KRT24: variants seen among roughly 807,000 people sequenced by gnomAD.
The protein encoded by KRT24 is keratin, type I cytoskeletal 24.
Under a neutral mutation model 51.7 loss-of-function variants are expected in KRT24, and 44 were observed. The ratio of observed to expected loss-of-function variants is 0.85; its 90% confidence interval spans 0.67 to 1.09. The LOEUF is 1.09. KRT24 is among the 50% of genes least tolerant of loss of function. The pLI, the probability that KRT24 is intolerant of heterozygous loss-of-function variation, is 0.00. For synonymous variants in KRT24, 241 were observed against 249.5 expected (o/e 0.97, Z 0.32); for missense variants, 633 against 647.0 (o/e 0.98, Z 0.24).
intron 2 of KRT24, 142 bp downstream of exon 2, chr17:40,701,709 G>A (rs1179524991): frequency 1.9e-5 from 3 of 160,730 alleles, no homozygotes; most frequent in African/African-American, 9.4e-5. Flanking sequence ...GTAAATTTAG[G>A]TCATGATCCT....
rs768600826 is a variant in KRT24, at chr17:40,701,203, G to A, written c.792C>T (p.Asp264=). The change falls in exon 3 of 8, where the codon GAC becomes GAT. Residue 264 remains aspartate (D), a synonymous_variant. Transcript: ENST00000264651. ...VLDDLTMTRS[D]LEMQIESFTE... ...TGAAACTCTCAATCTGCATCTCCAG[G>A]TCAGAGCGGGTCATAGTCAGGTCAT... 6.2e-7 allele frequency: 1 copy of A among 1,613,988 alleles called. No homozygotes were observed.
chr17:40,701,256 C>G lies in KRT24; in HGVS notation c.739G>C (p.Asp247His). Residue 247 changes from aspartate (D) to histidine (H), a missense_variant, in exon 3 of 8, where the codon GAC becomes CAC. Asp to His is a moderately conservative substitution (Grantham distance 81). Transcript: ENST00000264651. ...AGGACTTTCCGCAGGCCATTGATGTCAGCCTCCACGCTCTGCCGGAGACAC... is the reference window on the plus strand; with the variant it reads ...AGGACTTTCCGCAGGCCATTGATGTGAGCCTCCACGCTCTGCCGGAGACAC... ...ELCLRQSVEA[D>H]INGLRKVLDD... 1.2e-6 allele frequency: 2 copies of G among 1,613,982 alleles called. No homozygotes were observed. The highest frequency in any genetic ancestry group is 1.7e-6 in the Non-Finnish European group (2 of 1,179,970).
chr17:40,703,677 C>G lies in KRT24; in HGVS notation c.17G>C (p.Arg6Pro). ...GCCTCCAGCCCTGGAGGAGGAGGCG[C>G]GAGACGAGCAAGACATGGTGCTCCT... MSCSS[R>P]ASSSRAGGSS... is the part of the protein sequence containing the mutation. Residue 6 changes from arginine to proline, a missense_variant, in exon 1 of 8, where the codon CGC becomes CCC. By Grantham distance (103) the Arg-to-Pro change is moderately radical (BLOSUM62 -2). Coordinates refer to ENST00000264651, the MANE Select transcript of KRT24 (RefSeq NM_019016.3). 1 of 1,572,356 alleles carries G rather than the reference C, an allele frequency of 6.4e-7. No homozygotes were observed. Among genetic ancestry groups the G allele is most frequent in the East Asian group, 2.2e-5 (1 of 44,580 alleles).
intron 1 of KRT24, 48 bp from the exon 2 acceptor site, chr17:40,701,981 G>T: frequency 1.1e-6 from 1 of 937,090 alleles, no homozygotes; most frequent in South Asian, 1.6e-5. Context: ...TTTTTACCTT[G>T]TGTCTGCATG....
chr17:40,698,714 CG>C (rs2037637945), intron 6 of KRT24, 64 bp from the exon 7 acceptor site: 1 of 806,470 alleles, frequency 1.2e-6, no homozygotes, highest in African/African-American at 1.7e-5. Context: ...GCCTCCGCCC[CG>C]GGGATTCTTC....
intron 3 of KRT24, among the ~76,000 whole-genome samples, chr17:40,700,751 C>T (rs1189604307): frequency 2.6e-5 from 4 of 151,894 alleles, no homozygotes; most frequent in Admixed American, 2.0e-4. Context: ...AACAGGTGTG[C>T]GCCATCATGC....
intron 6 of KRT24, 46 bp from the exon 7 acceptor site, chr17:40,698,696 A>G (rs374325529): frequency 5.8e-5 from 56 of 970,600 alleles, no homozygotes; most frequent in Non-Finnish European, 8.6e-5. Flanking sequence ...TTGCAAAGGC[A>G]GGAGAAAGCC....
rs376188281 is a variant in KRT24, at chr17:40,699,458, G to A, written c.1347C>T (p.Leu449=). The A allele has an allele frequency of 7.4e-6, 12 of 1,613,620 alleles. No homozygotes were observed. The highest frequency in any genetic ancestry group is 4.5e-5 in the East Asian group (2 of 44,882). Residue 449 remains leucine (L), a synonymous_variant, in exon 6 of 8, where the codon CTC becomes CTT. Coordinates refer to ENST00000264651, the MANE Select transcript of KRT24 (RefSeq NM_019016.3). ...EVEIETYRRL[L]DGEGGGSSFA... ...CTTTGGTTTACCCTCCCTCTCCATC[G>A]AGCAGGCGGCGGTAGGTCTCGATCT...
Position 40,700,312 on chromosome 17 carries a change from G to A in KRT24, c.927C>T (p.Asp309=), listed in dbSNP as rs948135062. 7.4e-6 allele frequency: 12 copies of A among 1,613,900 alleles called. No individual in the cohort carries two copies. The highest frequency in any genetic ancestry group is 5.0e-5 in the Admixed American group (3 of 59,998). Residue 309 remains aspartate, a synonymous_variant, in exon 4 of 8, where the codon GAC becomes GAT. Transcript: ENST00000264651. ...TCATGTCATTCAGTAATTTGGTCAG[G>A]TCGGTCCCTGGCGCAGCATTCATTT... ...TVEMNAAPGT[D]LTKLLNDMRA...
intron 2 of KRT24, 108 bp from the exon 3 acceptor site, chr17:40,701,404 T>C: frequency 1.2e-6 from 1 of 837,662 alleles, no homozygotes; most frequent in South Asian, 2.6e-5. Context: ...TGTGGGCATT[T>C]TAATAAATAA....
At position 40,699,847 on chromosome 17, in the gene KRT24, ATTATCT is replaced by A. The variant is rs575127086; in HGVS notation, c.1143+145_1143+150del. 611 of 1,154,978 alleles carry A rather than the reference ATTATCT, an allele frequency of 5.3e-4. 12 individuals carry two copies. In the South Asian group the frequency reaches 8.8e-3, roughly 17 times the overall value. The allele number at this position is 1,154,978 out of a possible 1,614,324, so 71.5% of individuals were successfully genotyped here. A position where few individuals can be genotyped will look rare whatever the true frequency, so the allele number is the denominator to read the frequency against. On this transcript the variant is annotated intron_variant, in intron 5 of 7. Coordinates refer to ENST00000264651, the MANE Select transcript of KRT24 (RefSeq NM_019016.3). ...AAATCTTTTATGCAAAATAGAGTAC[ATTATCT>A]TTAACTTTTAATGCTTTCTATAATC...
In KRT24 at chr17:40,703,667, G is replaced by A. The variant is rs146312140; in HGVS notation, c.27C>T (p.Ser9=). 72 of 1,585,184 alleles carry A rather than the reference G, an allele frequency of 4.5e-5. No homozygotes were observed. The African/African-American group carries it at 9.3e-4, about 21-fold the overall frequency. Residue 9 remains serine, a synonymous_variant, in exon 1 of 8, where the codon TCC becomes TCT. Transcript: ENST00000264651. The part of the protein sequence containing the change: MSCSSRAS[S]SRAGGSSSAR... The stretch of plus-strand genomic sequence containing the variant: ...CTGAGCTGCTGCCTCCAGCCCTGGA[G>A]GAGGAGGCGCGAGACGAGCAAGACA...
At chr17:40,698,798 T>C in intron 6 of KRT24, 148 bp from the exon 7 acceptor site, 1 of 624,926 alleles carries the variant, frequency 1.6e-6, no homozygotes, top group Non-Finnish European at 2.9e-6. Context: ...AACCTTGCAC[T>C]CCTGGGCTCA....
chr17:40,703,328 A>G lies in KRT24; in HGVS notation c.366T>C (p.Tyr122=). ...SSGATGGFYS[Y]GGGMGGGVGD... Reference sequence around the variant, plus strand: ...CAACACCACCTCCCATACCACCACCATAGCTGTAGAAGCCTCCAGTAGCAC... The same window carrying G: ...CAACACCACCTCCCATACCACCACCGTAGCTGTAGAAGCCTCCAGTAGCAC... Residue 122 remains tyrosine, a synonymous_variant, in exon 1 of 8, where the codon TAT becomes TAC. Coordinates refer to ENST00000264651, the MANE Select transcript of KRT24 (RefSeq NM_019016.3). 1 of 1,614,020 alleles carries G rather than the reference A, an allele frequency of 6.2e-7. No homozygotes were observed. The highest frequency in any genetic ancestry group is 8.5e-7 in the Non-Finnish European group (1 of 1,179,992).
Position 40,698,532 on chromosome 17 carries a change from G to T in KRT24, c.1474+6C>A. The stretch of plus-strand genomic sequence containing the variant: ...AGAACTATTATCAATATTAAAAAAA[G>T]TCTACCTCGTCCTTGACCAGAACAG... On this transcript the variant is annotated splice_donor_region_variant and intron_variant, in intron 7 of 7. Coordinates refer to ENST00000264651, the MANE Select transcript of KRT24 (RefSeq NM_019016.3). 6.6e-7 allele frequency: 1 copy of T among 1,522,126 alleles called. No individual in the cohort carries two copies. Among genetic ancestry groups the T allele is most frequent in the Non-Finnish European group, 9.0e-7 (1 of 1,107,226 alleles). 94.3% of individuals were successfully genotyped at this position (1,522,126 alleles called of 1,614,324 possible). A position where few individuals can be genotyped will look rare whatever the true frequency, so the allele number is the denominator to read the frequency against.
At position 40,703,148 on chromosome 17, in the gene KRT24, C is replaced by T. The variant is rs202100407; in HGVS notation, c.546G>A (p.Gly182=). The change falls in exon 1 of 8, where the codon GGG becomes GGA. Residue 182 remains glycine (G), a synonymous_variant. Coordinates refer to ENST00000264651, the MANE Select transcript of KRT24 (RefSeq NM_019016.3). ...IKEWYDKYGP[G]SGDGGSGRDY... ...CTCTTCCCGATCCACCGTCTCCAGA[C>T]CCAGGCCCATATTTGTCATACCACT... 5.0e-6 allele frequency: 8 copies of T among 1,614,096 alleles called. No individual in the cohort carries two copies. The highest frequency in any genetic ancestry group is 4.5e-5 in the East Asian group (2 of 44,878).
rs749929950 is a variant in KRT24 at position 40,701,207 on chromosome 17, GA to G, written c.787del (p.Ser263LeufsTer14). 1 of 1,614,120 alleles carries G rather than the reference GA, an allele frequency of 6.2e-7. No individual in the cohort carries two copies. Among genetic ancestry groups the G allele is most frequent in the East Asian group, 2.2e-5 (1 of 44,880 alleles). ...KVLDDLTMTR[S>X]DLEMQIESFT... ...ACTCTCAATCTGCATCTCCAGGTCA[GA>G]GCGGGTCATAGTCAGGTCATCCAGG... On this transcript the variant is annotated frameshift_variant, in exon 3 of 8. Transcript: ENST00000264651. LOFTEE classifies it high-confidence loss of function.
chr17:40,701,197 C>G lies in KRT24; in HGVS notation c.798G>C (p.Glu266Asp). Residue 266 changes from glutamate (E) to aspartate (D), a missense_variant, in exon 3 of 8, where the codon GAG (glutamate) becomes GAC (aspartate). Glu to Asp is a conservative substitution (Grantham distance 45). Transcript: ENST00000264651. ...CCTCGGTGAAACTCTCAATCTGCAT[C>G]TCCAGGTCAGAGCGGGTCATAGTCA... is the stretch of plus-strand genomic sequence containing the variant. ...DDLTMTRSDLEMQIESFTEEL... is the reference protein window; with the variant it reads ...DDLTMTRSDLDMQIESFTEEL... 1 of 1,614,152 alleles carries G rather than the reference C, an allele frequency of 6.2e-7. No homozygotes were observed. The highest frequency in any genetic ancestry group is 1.1e-5 in the South Asian group (1 of 91,068).
Position 40,699,566 on chromosome 17 carries a change from C to G in KRT24, c.1239G>C (p.Glu413Asp), listed in dbSNP as rs778658355. The change falls in exon 6 of 8, where the codon GAG becomes GAC. Residue 413 changes from glutamate (E) to aspartate (D), a missense_variant. Coordinates refer to ENST00000264651, the MANE Select transcript of KRT24 (RefSeq NM_019016.3). ...TAGTCTCACCCCAGATCTGGCAGAT[C>G]TCCTCCTCCAGGGCACTGATCTGCG... Reference protein sequence around the residue: ...IQTQISALEEEICQIWGETKC... With the variant: ...IQTQISALEEDICQIWGETKC... The G allele has an allele frequency of 3.1e-6, 5 of 1,613,814 alleles. No homozygotes were observed. The South Asian group carries it at 5.5e-5, about 18-fold the overall frequency.
Sources: allele counts gnomAD v4.1 joint callset (sites outside exome capture counted in the v4.1 genomes callset), GRCh38; gene constraint gnomAD v4.1.1; transcripts MANE v1.5; gene names NCBI Gene and HGNC (gene_info 2026-07-23, HGNC 2026-07-21).